The following MAML3 variants were observed in gnomAD, a reference collection of about 807,000 sequenced individuals.
MAML3 encodes the protein mastermind-like protein 3.
MAML3 carries 27 observed loss-of-function variants against 101.9 expected under a neutral mutation model. The ratio of observed to expected loss-of-function variants is 0.27; its 90% CI spans 0.20 to 0.37. MAML3 has a LOEUF of 0.37. Ranked by LOEUF, MAML3 falls within the 10% of genes least tolerant of loss-of-function variation. The pLI, the probability that MAML3 is intolerant of heterozygous loss-of-function variation, is 1.00. For synonymous variants in MAML3, 501 were observed against 555.9 expected, an observed-to-expected ratio of 0.90 and a Z score of 1.39; for missense variants, 1,316 against 1,444.9, an observed-to-expected ratio of 0.91 and a Z score of 1.45.
chr4:139,768,199 T>C (rs947577668), intron 2 of MAML3, among the ~76,000 whole-genome samples: 1 of 150,178 alleles, frequency 6.7e-6, no homozygotes, highest in African/African-American at 2.4e-5. Context: ...ATTCAGTAGG[T>C]TGTCTCTTTA....
intron 1 of MAML3, among the ~76,000 whole-genome samples, chr4:139,947,418 C>T (rs1733750373): frequency 6.6e-6 from 1 of 152,184 alleles, no homozygotes; most frequent in South Asian, 2.1e-4. Context: ...AAGCTATACA[C>T]ACATCTCTGC....
At chr4:140,055,978 A>G (rs920215063) in intron 1 of MAML3, among the ~76,000 whole-genome samples, 1 of 152,248 alleles carries the variant, frequency 6.6e-6, no homozygotes, top group Admixed American at 6.5e-5. Context: ...AGAAAAGCAC[A>G]TGGAAAGAAG....
chr4:139,945,517 C>T (rs1292247280), intron 1 of MAML3, among the ~76,000 whole-genome samples: 2 of 152,146 alleles, frequency 1.3e-5, no homozygotes, highest in East Asian at 1.9e-4. Flanking sequence ...GAAAACCAAA[C>T]CACAGACAAG....
intron 2 of MAML3, among the ~76,000 whole-genome samples, chr4:139,850,915 AAG>A (rs1042455204): frequency 6.8e-6 from 1 of 147,338 alleles, no homozygotes; most frequent in Non-Finnish European, 1.5e-5. Context: ...AAAAAAAAAA[AAG>A]AGAGAGAGAG....
At chr4:139,800,598 T>G (rs1578607526) in intron 2 of MAML3, among the ~76,000 whole-genome samples, 1 of 152,184 alleles carries the variant, frequency 6.6e-6, no homozygotes, top group East Asian at 1.9e-4. Flanking sequence ...TGCTCAGACT[T>G]TAGCAACGAA....
chr4:139,779,616 C>T (rs1171821973), intron 2 of MAML3, among the ~76,000 whole-genome samples: 1 of 152,170 alleles, frequency 6.6e-6, no homozygotes, highest in African/African-American at 2.4e-5. Context: ...CATCTGTATC[C>T]TGGGATCTGC....
intron 1 of MAML3, among the ~76,000 whole-genome samples, chr4:139,894,290 C>T (rs549128850): frequency 2.6e-5 from 4 of 152,078 alleles, no homozygotes; most frequent in South Asian, 2.1e-4. Flanking sequence ...GTGGGCAGAT[C>T]GCGAGGTCAA....
At chr4:140,075,697 T>C (rs1727752924) in intron 1 of MAML3, among the ~76,000 whole-genome samples, 1 of 150,074 alleles carries the variant, frequency 6.7e-6, no homozygotes, top group South Asian at 2.1e-4. Context: ...TCACCATGAC[T>C]GGCCAATTTC....
At position 139,865,067 on chromosome 4, in the gene MAML3, G is replaced by T. The variant is rs1404715788; in HGVS notation, c.2079+24290C>A. Reference sequence around the variant, plus strand: ...ATTATAATGTTGAAATATCATTAGAGTTTCCTTCAGTTCTACCAAGCATAT... The same window carrying T: ...ATTATAATGTTGAAATATCATTAGATTTTCCTTCAGTTCTACCAAGCATAT... On this transcript the variant is annotated intron_variant, in intron 2 of 4. Transcript: ENST00000509479. Among the ~76,000 whole-genome samples, 6 of 150,792 alleles carry T rather than the reference G, an allele frequency of 4.0e-5. No individual in the cohort carries two copies. In the East Asian group the frequency reaches 1.2e-3, roughly 29 times the overall value.
intron 2 of MAML3, among the ~76,000 whole-genome samples, chr4:139,790,758 G>A (rs911372021): frequency 3.3e-5 from 5 of 152,088 alleles, no homozygotes; most frequent in Non-Finnish European, 7.3e-5. Context: ...ACATTCCATC[G>A]TATGTACATA....
chr4:140,127,039 G>A (rs2111033532), intron 1 of MAML3, among the ~76,000 whole-genome samples: 1 of 152,238 alleles, frequency 6.6e-6, no homozygotes, highest in Non-Finnish European at 1.5e-5. Flanking sequence ...CTTTCGTATG[G>A]TCATGATGAC....
chr4:139,870,609 T>G (rs1328329665), intron 2 of MAML3, among the ~76,000 whole-genome samples: 1 of 152,198 alleles, frequency 6.6e-6, no homozygotes, highest in African/African-American at 2.4e-5. Flanking sequence ...CAAGGCTCCC[T>G]CTGTTCTAAA....
intron 2 of MAML3, among the ~76,000 whole-genome samples, chr4:139,744,321 G>C (rs1051399191): frequency 1.3e-5 from 2 of 152,160 alleles, no homozygotes; most frequent in African/African-American, 4.8e-5. Flanking sequence ...CCAGATCTTA[G>C]AGTTGATTTT....
At chr4:139,937,366 G>A (rs767948994) in intron 1 of MAML3, among the ~76,000 whole-genome samples, 1 of 151,670 alleles carries the variant, frequency 6.6e-6, no homozygotes, top group Non-Finnish European at 1.5e-5. Flanking sequence ...GCAAAAGTCT[G>A]GTCTAGACAA....
At chr4:139,822,549 G>T (rs932383458) in intron 2 of MAML3, among the ~76,000 whole-genome samples, 4 of 152,202 alleles carry the variant, frequency 2.6e-5, no homozygotes, top group Admixed American at 2.0e-4. Flanking sequence ...GCCAGGGTAA[G>T]TGTTCTCATA....
intron 2 of MAML3, among the ~76,000 whole-genome samples, chr4:139,739,586 A>G (rs1184122746): frequency 2.0e-5 from 3 of 152,036 alleles, no homozygotes; most frequent in Non-Finnish European, 2.9e-5. Flanking sequence ...CATGAATACT[A>G]GGCAGCCAAT....
intron 1 of MAML3, among the ~76,000 whole-genome samples, chr4:140,060,374 A>AAAAAAAAAAAAAAAAAAAC: frequency 6.8e-6 from 1 of 146,116 alleles, no homozygotes; most frequent in Non-Finnish European, 1.5e-5. Flanking sequence ...TCAAAAAAAA[A>AAAAAAAAAAAAAAAAAAAC]AAAAAAAAAA....
rs1048664841 is a variant in MAML3, at chr4:139,763,532, G to C, written c.2080-32865C>G. Among the ~76,000 whole-genome samples the C allele has an allele frequency of 4.6e-5, 7 of 152,112 alleles. No homozygotes were observed. In the South Asian group the frequency reaches 1.5e-3, roughly 32 times the overall value. ...ATGATGCTTAGGTGTTAAAGGTTCA[G>C]GGGGAGCCGAAATGACTTCAATTGC... On this transcript the variant is annotated intron_variant, in intron 2 of 4. Coordinates refer to ENST00000509479, the MANE Select transcript of MAML3 (RefSeq NM_018717.5).
At chr4:139,780,602 G>A (rs189486558) in intron 2 of MAML3, among the ~76,000 whole-genome samples, 51 of 150,192 alleles carry the variant, frequency 3.4e-4, no homozygotes, top group Non-Finnish European at 1.9e-4. Context: ...TGCATGGGTC[G>A]CCCATTTCTT....
Sources: gnomAD v4.1 joint callset for allele counts (sites outside exome capture counted in the v4.1 genomes callset) on GRCh38, gnomAD v4.1.1 for gene constraint, MANE v1.5 for transcripts, NCBI Gene and HGNC (gene_info 2026-07-23, HGNC 2026-07-21) for gene names.